Variants in SAMD12 observed in about 807,000 individuals in gnomAD.
The protein encoded by SAMD12 is sterile alpha motif domain-containing protein 12.
A neutral mutation model predicts 15.0 loss-of-function variants in SAMD12; 9 were observed. That is an observed-to-expected ratio of 0.60 (90% CI 0.36 to 1.05). The LOEUF is 1.05. Among genes scored for constraint, SAMD12 ranks in the 50% least tolerant of loss-of-function variants. The pLI is 0.01. For synonymous variants in SAMD12, 86 were observed against 90.1 expected (o/e 0.96, Z 0.25); for missense variants, 230 against 234.2 (o/e 0.98, Z 0.12).
At chr8:118,203,005 A>G (rs1359227638) in intron 4 of SAMD12, among the ~76,000 whole-genome samples, 1 of 152,214 alleles carries the variant, frequency 6.6e-6, no homozygotes, top group Non-Finnish European at 1.5e-5. Context: ...CCTGTAATTC[A>G]CACAGAGAAA....
intron 1 of SAMD12, among the ~76,000 whole-genome samples, chr8:118,585,187 T>A (rs531719681): frequency 1.2e-4 from 19 of 152,312 alleles, no homozygotes; most frequent in African/African-American, 3.8e-4. Flanking sequence ...AAGTGAAATA[T>A]GCCAGACAAA....
At position 118,494,140 on chromosome 8, in the gene SAMD12, T is replaced by C. The variant is rs940302613; in HGVS notation, c.193-54179A>G. Among the ~76,000 whole-genome samples the C allele has an allele frequency of 1.3e-4, 20 of 152,144 alleles. 1 individual carries two copies. Among genetic ancestry groups the C allele is most frequent in the Non-Finnish European group, 5.9e-5 (4 of 68,030 alleles). On this transcript the variant is annotated intron_variant, in intron 2 of 3. Coordinates refer to ENST00000314727, the MANE Select transcript of SAMD12 (RefSeq NM_207506.3). Reference sequence around the variant, plus strand: ...GAGCAGGAGAGATCTGAAGATGCCATGTTGCTGGCTCTGAAGATGTGGAAG... The same window carrying C: ...GAGCAGGAGAGATCTGAAGATGCCACGTTGCTGGCTCTGAAGATGTGGAAG...
intron 1 of SAMD12, among the ~76,000 whole-genome samples, chr8:118,587,201 C>A (rs535753480): frequency 3.9e-5 from 6 of 152,314 alleles, no homozygotes; most frequent in African/African-American, 1.4e-4. Flanking sequence ...TGTCTTGCTT[C>A]TAGCTAAAGT....
intron 2 of SAMD12, among the ~76,000 whole-genome samples, chr8:118,557,004 T>C (rs1261062721): frequency 1.3e-5 from 2 of 151,638 alleles, no homozygotes; most frequent in African/African-American, 4.8e-5. Flanking sequence ...GAAATAGACA[T>C]GGGTCCACCT....
At position 118,209,190 on chromosome 8, in the gene SAMD12, G is replaced by A. The variant is rs145974105; in HGVS notation, c.434-11458C>T. Among the ~76,000 whole-genome samples, 352 of 152,214 alleles carry A rather than the reference G, an allele frequency of 2.3e-3. 1 individual carries two copies. The highest frequency in any genetic ancestry group is 7.3e-3 in the African/African-American group (304 of 41,532). ...TTGCCCTTTGGTCTGGAACACAGAGGGAAATGCAAACATTTCTGGAATGTC... is the reference window on the plus strand; with the variant it reads ...TTGCCCTTTGGTCTGGAACACAGAGAGAAATGCAAACATTTCTGGAATGTC... On this transcript the variant is annotated intron_variant, in intron 4 of 4. Transcript: ENST00000409003.
chr8:118,417,544 G>T (rs1586694230), intron 3 of SAMD12, among the ~76,000 whole-genome samples: 1 of 152,096 alleles, frequency 6.6e-6, no homozygotes, highest in South Asian at 2.1e-4. Context: ...AGTAGGTAAT[G>T]AATGATCTGT....
At chr8:118,310,450 A>T (rs1815571747) in intron 4 of SAMD12, among the ~76,000 whole-genome samples, 1 of 152,178 alleles carries the variant, frequency 6.6e-6, no homozygotes, top group African/African-American at 2.4e-5. Context: ...TGAGATTTGG[A>T]TAGAGAAAGT....
At chr8:118,382,591 C>G (rs1363048688) in intron 3 of SAMD12, among the ~76,000 whole-genome samples, 2 of 152,210 alleles carry the variant, frequency 1.3e-5, no homozygotes, top group Admixed American at 6.5e-5. Flanking sequence ...CATTTTCCGA[C>G]TGTGTGATAC....
downstream of SAMD12, among the ~76,000 whole-genome samples, chr8:118,374,901 T>TTA (rs35068129): frequency 0.23 from 35,427 of 151,760 alleles, 4,267 homozygotes; most frequent in Admixed American, 0.27. Flanking sequence ...GATATGTGAT[T>TTA]TATATATATT....
chr8:118,425,910 G>T (rs954160263), intron 3 of SAMD12, among the ~76,000 whole-genome samples: 1 of 152,106 alleles, frequency 6.6e-6, no homozygotes, highest in Non-Finnish European at 1.5e-5. Context: ...ATAAGAATGG[G>T]TCTCCTGTTC....
chr8:118,239,615 C>A (rs1812522284), intron 4 of SAMD12, among the ~76,000 whole-genome samples: 1 of 152,136 alleles, frequency 6.6e-6, no homozygotes, highest in Non-Finnish European at 1.5e-5. Flanking sequence ...TGCTCTTAGG[C>A]TAGCCTTGGA....
chr8:118,505,069 G>T (rs1045135241), intron 2 of SAMD12, among the ~76,000 whole-genome samples: 3 of 152,208 alleles, frequency 2.0e-5, no homozygotes, highest in Admixed American at 6.5e-5. Flanking sequence ...CCCAATTTGT[G>T]ATAACTTGAT....
At chr8:118,330,285 C>T (rs1816753253) in intron 4 of SAMD12, among the ~76,000 whole-genome samples, 4 of 152,140 alleles carry the variant, frequency 2.6e-5, no homozygotes, top group Admixed American at 6.6e-5. Context: ...TGTAGAAAAA[C>T]GTGAAGGCAA....
chr8:118,453,310 A>G (rs921858619), intron 2 of SAMD12, among the ~76,000 whole-genome samples: 3 of 152,054 alleles, frequency 2.0e-5, no homozygotes, highest in Non-Finnish European at 2.9e-5. Flanking sequence ...TACTATTCCA[A>G]TGCTGGGCTA....
chr8:118,238,906 G>T (rs1812497967), intron 4 of SAMD12, among the ~76,000 whole-genome samples: 1 of 152,030 alleles, frequency 6.6e-6, no homozygotes, highest in African/African-American at 2.4e-5. Flanking sequence ...GATTTTTTAG[G>T]AATACAGTTT....
the SAMD12 span, among the ~76,000 whole-genome samples, chr8:118,145,186 G>A: frequency 6.6e-6 from 1 of 152,124 alleles, no homozygotes; most frequent in Non-Finnish European, 1.5e-5. Context: ...GTAATTTCAA[G>A]TACAAATATC....
rs753043013 is a variant in SAMD12, at chr8:118,379,403, A to C, written c.*14T>G. ...CTAGTGAGCTATGAAAAAAGTTTTC[A>C]AAGGGAAGTAATCTTAAATCTGTAT... On this transcript the variant is annotated 3_prime_UTR_variant, in exon 4 of 4. Coordinates refer to ENST00000314727, the MANE Select transcript of SAMD12 (RefSeq NM_207506.3). 4.4e-6 allele frequency: 7 copies of C among 1,608,946 alleles called. No individual in the cohort carries two copies. The highest frequency in any genetic ancestry group is 5.9e-6 in the Non-Finnish European group (7 of 1,177,124).
intron 4 of SAMD12, among the ~76,000 whole-genome samples, chr8:118,281,608 C>A (rs1429080345): frequency 6.6e-6 from 1 of 152,176 alleles, no homozygotes; most frequent in Non-Finnish European, 1.5e-5. Flanking sequence ...CATCTACATG[C>A]CAGTTTTCCC....
At chr8:118,529,267 CAG>C (rs1825619452) in intron 2 of SAMD12, among the ~76,000 whole-genome samples, 2 of 152,222 alleles carry the variant, frequency 1.3e-5, no homozygotes, top group Non-Finnish European at 2.9e-5. Flanking sequence ...TAGTCGCAAT[CAG>C]GGGAGAAATC....
Sources: allele counts gnomAD v4.1 joint callset (sites outside exome capture counted in the v4.1 genomes callset), GRCh38; gene constraint gnomAD v4.1.1; transcripts MANE v1.5; gene names NCBI Gene and HGNC (gene_info 2026-07-23, HGNC 2026-07-21).